Variants in THRB observed in about 807,000 individuals in gnomAD.
THRB encodes thyroid hormone receptor beta, also known as nuclear receptor subfamily 1 group A member 2.
A neutral mutation model predicts 47.8 loss-of-function variants in THRB; 12 were observed. The ratio of observed to expected loss-of-function variants is 0.25; its 90% CI spans 0.16 to 0.41. THRB has a LOEUF of 0.41. Among genes scored for constraint, THRB ranks in the 10% least tolerant of loss-of-function variants. THRB has a pLI of 1.00. For missense variants in THRB, 348 were observed against 589.2 expected, an observed-to-expected ratio of 0.59 and a Z score of 4.24; for synonymous variants, 218 against 212.2, an observed-to-expected ratio of 1.03 and a Z score of -0.24.
chr3:24,134,081 T>G (rs2034280228), intron 8 of THRB, among the ~76,000 whole-genome samples: 1 of 152,184 alleles, frequency 6.6e-6, no homozygotes, highest in South Asian at 2.1e-4. Flanking sequence ...AATTTACTAG[T>G]ATTTAATGTC....
intron 3 of THRB, among the ~76,000 whole-genome samples, chr3:24,229,525 C>T (rs181744897): frequency 6.6e-6 from 1 of 152,206 alleles, no homozygotes; most frequent in Non-Finnish European, 1.5e-5. Flanking sequence ...ATATTCTCAT[C>T]TGCCCATTTA....
intron 4 of THRB, among the ~76,000 whole-genome samples, chr3:24,204,430 T>G (rs1354659986): frequency 6.6e-6 from 1 of 152,182 alleles, no homozygotes; most frequent in Non-Finnish European, 1.5e-5. Context: ...CAACAGACCT[T>G]CAGCTGAGGG....
chr3:24,395,475 T>C (rs988611958), intron 1 of THRB, among the ~76,000 whole-genome samples: 2 of 152,038 alleles, frequency 1.3e-5, no homozygotes, highest in Admixed American at 6.6e-5. Flanking sequence ...ATTAGAAGTT[T>C]CTCCAAAGAT....
At chr3:24,481,229 G>GTTTTGTTTT (rs1696316795) in intron 1 of THRB, among the ~76,000 whole-genome samples, 21 of 55,368 alleles carry the variant, frequency 3.8e-4, no homozygotes, top group African/African-American at 1.5e-3. Flanking sequence ...GTTTCTTTCT[G>GTTTTGTTTT]TTTTTTTTTT....
intron 1 of THRB, among the ~76,000 whole-genome samples, chr3:24,456,778 T>C (rs1165309016): frequency 1.3e-5 from 2 of 152,020 alleles, no homozygotes; most frequent in African/African-American, 2.4e-5. Flanking sequence ...ACTGTCTTAT[T>C]ATATAAGATA....
At chr3:24,281,532 A>G (rs1352836474) in intron 3 of THRB, among the ~76,000 whole-genome samples, 2 of 151,334 alleles carry the variant, frequency 1.3e-5, no homozygotes, top group Admixed American at 6.6e-5. Context: ...TCAACTAACG[A>G]GCAAAATCAC....
At chr3:24,313,394 A>G (rs909639801) in intron 2 of THRB, among the ~76,000 whole-genome samples, 1 of 152,180 alleles carries the variant, frequency 6.6e-6, no homozygotes, top group African/African-American at 2.4e-5. Flanking sequence ...TTGGGGAATT[A>G]AAGACAATTC....
At chr3:24,328,842 T>C (rs2061743099) in intron 2 of THRB, among the ~76,000 whole-genome samples, 1 of 152,226 alleles carries the variant, frequency 6.6e-6, no homozygotes, top group African/African-American at 2.4e-5. Flanking sequence ...TTTACAATTT[T>C]AAAATGGTTC....
intron 1 of THRB, among the ~76,000 whole-genome samples, chr3:24,403,560 GT>G (rs2067593777): frequency 6.6e-6 from 1 of 151,888 alleles, no homozygotes; most frequent in African/African-American, 2.4e-5. Flanking sequence ...GGTAAAAGCA[GT>G]AAGGAGTAAA....
At chr3:24,436,864 C>T (rs1399102447) in intron 1 of THRB, among the ~76,000 whole-genome samples, 1 of 151,996 alleles carries the variant, frequency 6.6e-6, no homozygotes, top group Non-Finnish European at 1.5e-5. Flanking sequence ...AAAGAATCAG[C>T]TAATCAATGC....
At chr3:24,455,724 G>T (rs2073107412) in intron 1 of THRB, among the ~76,000 whole-genome samples, 1 of 152,080 alleles carries the variant, frequency 6.6e-6, no homozygotes, top group Non-Finnish European at 1.5e-5. Flanking sequence ...TCATTCAGTG[G>T]GGTCTTTTAT....
chr3:24,173,676 A>G (rs2040748895), intron 5 of THRB, among the ~76,000 whole-genome samples: 1 of 152,186 alleles, frequency 6.6e-6, no homozygotes, highest in African/African-American at 2.4e-5. Context: ...ATCCCTGGAC[A>G]GTTCTTTTCA....
At chr3:24,485,501 G>C (rs1322114477) in intron 1 of THRB, among the ~76,000 whole-genome samples, 1 of 152,088 alleles carries the variant, frequency 6.6e-6, no homozygotes, top group Non-Finnish European at 1.5e-5. Flanking sequence ...ATCACCTCCA[G>C]TCTCTCACTC....
chr3:24,246,992 T>C (rs2050169905), intron 3 of THRB, among the ~76,000 whole-genome samples: 1 of 152,240 alleles, frequency 6.6e-6, no homozygotes, highest in Non-Finnish European at 1.5e-5. Flanking sequence ...TTAATCTCTT[T>C]CTAAAATGCC....
chr3:24,123,129 C>A lies in THRB; in HGVS notation c.1145-4G>T. 6.2e-7 allele frequency: 1 copy of A among 1,613,928 alleles called. No homozygotes were observed. The highest frequency in any genetic ancestry group is 8.5e-7 in the Non-Finnish European group (1 of 1,179,956). The stretch of plus-strand genomic sequence containing the variant: ...ACACAGGCAAGCCCCGGGCGATCTG[C>A]GGGGAAGAGAGAAGATGGACATTGA... On this transcript the variant is annotated splice_region_variant and splice_polypyrimidine_tract_variant and intron_variant, in intron 10 of 10. Coordinates refer to ENST00000646209, the MANE Select transcript of THRB (RefSeq NM_001354712.2).
At chr3:24,410,094 C>A (rs991355898) in intron 1 of THRB, among the ~76,000 whole-genome samples, 1 of 151,712 alleles carries the variant, frequency 6.6e-6, no homozygotes, top group African/African-American at 2.4e-5. Flanking sequence ...AATATACTAC[C>A]AACACTGCTG....
At chr3:24,284,342 A>G (rs1033450396) in intron 3 of THRB, among the ~76,000 whole-genome samples, 4 of 151,394 alleles carry the variant, frequency 2.6e-5, no homozygotes, top group African/African-American at 7.3e-5. Flanking sequence ...AGGATTCCCT[A>G]TTTAATCAAT....
At chr3:24,161,805 A>C (rs2038880231) in intron 5 of THRB, among the ~76,000 whole-genome samples, 1 of 151,866 alleles carries the variant, frequency 6.6e-6, no homozygotes, top group African/African-American at 2.4e-5. Flanking sequence ...CAGAACCAAA[A>C]CTGAATAGGA....
intron 1 of THRB, among the ~76,000 whole-genome samples, chr3:24,452,584 C>A (rs2072766885): frequency 6.6e-6 from 1 of 152,068 alleles, no homozygotes; most frequent in Non-Finnish European, 1.5e-5. Flanking sequence ...AGATGAGGCT[C>A]CGAGAAACAT....
Sources: allele counts gnomAD v4.1 joint callset (sites outside exome capture counted in the v4.1 genomes callset), GRCh38; gene constraint gnomAD v4.1.1; transcripts MANE v1.5; gene names NCBI Gene and HGNC (gene_info 2026-07-23, HGNC 2026-07-21).